Variants in KCNAB2 observed in about 807,000 individuals in gnomAD.
KCNAB2 encodes voltage-gated potassium channel subunit beta-2.
Under a neutral mutation model 63.6 loss-of-function variants are expected in KCNAB2, and 29 were observed. That is an observed-to-expected ratio of 0.46 (90% CI 0.34 to 0.62). The LOEUF (loss-of-function observed/expected upper bound fraction) is 0.62, where lower values mean the gene tolerates loss of function less well. Ranked by LOEUF, KCNAB2 falls within the 20% of genes least tolerant of loss-of-function variation. KCNAB2 has a pLI of 0.01. For synonymous variants in KCNAB2, 222 were observed against 224.2 expected (o/e 0.99, Z 0.09); for missense variants, 359 against 563.9 (o/e 0.64, Z 3.68).
At chr1:6,092,118 T>G (rs1333242958) in intron 10 of KCNAB2, among the ~76,000 whole-genome samples, 1 of 152,240 alleles carries the variant, frequency 6.6e-6, no homozygotes, top group Non-Finnish European at 1.5e-5. Flanking sequence ...GCTGTGAGTT[T>G]TGGCAGCAGC....
intron 1 of KCNAB2, among the ~76,000 whole-genome samples, chr1:6,019,153 G>A (rs1488246536): frequency 6.6e-6 from 1 of 151,854 alleles, no homozygotes. Context: ...TTAGCCGGGG[G>A]TGGTGGCACA....
At chr1:6,047,006 G>A (rs143705372) in intron 1 of KCNAB2, among the ~76,000 whole-genome samples, 1 of 152,272 alleles carries the variant, frequency 6.6e-6, no homozygotes, top group Non-Finnish European at 1.5e-5. Flanking sequence ...CTGATCTACA[G>A]GAATAGATTT....
intron 4 of KCNAB2, among the ~76,000 whole-genome samples, chr1:6,080,470 C>G (rs539332333): frequency 6.6e-6 from 1 of 152,260 alleles, no homozygotes; most frequent in South Asian, 2.1e-4. Flanking sequence ...TGAGCTGCAG[C>G]AGGAAGACAA....
chr1:5,995,633 A>G (rs541826153), intron 1 of KCNAB2, among the ~76,000 whole-genome samples: 1 of 152,238 alleles, frequency 6.6e-6, no homozygotes, highest in African/African-American at 2.4e-5. Flanking sequence ...CTTCAAAGAG[A>G]TGGCCCCATA....
chr1:6,005,551 AC>A (rs1393291652), intron 1 of KCNAB2, among the ~76,000 whole-genome samples: 1 of 150,176 alleles, frequency 6.7e-6, no homozygotes, highest in Non-Finnish European at 1.5e-5. Flanking sequence ...GGTCCCCCCT[AC>A]CCCCCATGAG....
chr1:6,060,715 C>G (rs1004640056), intron 2 of KCNAB2, among the ~76,000 whole-genome samples: 1 of 152,062 alleles, frequency 6.6e-6, no homozygotes, highest in African/African-American at 2.4e-5. Flanking sequence ...CCATCCTAGC[C>G]AACATGCTGA....
Position 6,046,168 on chromosome 1 carries a change from G to GC in KCNAB2, c.-37dup. 1 of 985,330 alleles carries GC rather than the reference G, an allele frequency of 1.0e-6. No individual in the cohort carries two copies. Among genetic ancestry groups the GC allele is most frequent in the Non-Finnish European group, 1.2e-6 (1 of 829,908 alleles). 61.0% of individuals were successfully genotyped at this position (985,330 alleles called of 1,614,324 possible). On this transcript the variant is annotated 5_prime_UTR_variant, in exon 1 of 16. Transcript: ENST00000378083. The stretch of plus-strand genomic sequence containing the variant: ...ACTGTGGCCTTTTTAACGAGCAGAC[G>GC]CCCCCACGAAGGCAGGTGAGTCCTC...
chr1:6,058,016 T>C (rs1006994832), intron 2 of KCNAB2, among the ~76,000 whole-genome samples: 14 of 152,142 alleles, frequency 9.2e-5, no homozygotes, highest in Non-Finnish European at 1.3e-4. Flanking sequence ...CCAGGCATGG[T>C]GGCAAGTGCC....
rs1663374125 is a variant in KCNAB2 at position 6,073,262 on chromosome 1, A to C, written c.262+464A>C. On this transcript the variant is annotated intron_variant, in intron 3 of 15. Coordinates refer to ENST00000378083, the MANE Select transcript of KCNAB2 (RefSeq NM_001199862.2). The surrounding 1 kb of genome is among the most constrained non-coding windows in gnomAD (Gnocchi z 5.7). ...CCTCCCCTCTGCATGCAGTACACACACCCCCACACACACACCGCCCACTGC... is the reference window on the plus strand; with the variant it reads ...CCTCCCCTCTGCATGCAGTACACACCCCCCCACACACACACCGCCCACTGC... Among the ~76,000 whole-genome samples, 1 of 149,890 alleles carries C rather than the reference A, an allele frequency of 6.7e-6. No individual in the cohort carries two copies. Among genetic ancestry groups the C allele is most frequent in the South Asian group, 2.1e-4 (1 of 4,684 alleles).
At chr1:6,088,016 A>G (rs1664847667) in intron 7 of KCNAB2, among the ~76,000 whole-genome samples, 1 of 152,146 alleles carries the variant, frequency 6.6e-6, no homozygotes, top group Admixed American at 6.6e-5. Flanking sequence ...AGGAATTATA[A>G]CTACGATTCA....
intron 1 of KCNAB2, among the ~76,000 whole-genome samples, chr1:6,009,465 C>T (rs922449375): frequency 6.6e-6 from 1 of 152,216 alleles, no homozygotes; most frequent in Admixed American, 6.5e-5. Context: ...ATGCACGTCC[C>T]CTGTCTAGAC....
chr1:6,051,012 C>G (rs143814603), intron 1 of KCNAB2, among the ~76,000 whole-genome samples: 25 of 152,348 alleles, frequency 1.6e-4, no homozygotes, highest in South Asian at 6.2e-4. Flanking sequence ...GGCATAATTA[C>G]AGGAGAGTTT....
At chr1:6,030,796 G>A (rs1325887900), upstream of KCNAB2, among the ~76,000 whole-genome samples, 5 of 140,428 alleles carry the variant, frequency 3.6e-5, no homozygotes, top group African/African-American at 1.5e-4. Context: ...ATGTGTGTAG[G>A]TGTGTAGGTG....
In KCNAB2 at chr1:5,994,376, G is replaced by A. The variant is rs936366853; in HGVS notation, c.-53+1588G>A. ...GTGCAGCTCCTGGCCCTGTGCTCTC[G>A]CAGTGTGGGGCCCTAAGAGTGCACT... On this transcript the variant is annotated intron_variant, in intron 1 of 16. Coordinates refer to the KCNAB2 transcript ENST00000341524. This position sits in a 1 kb window ranked among gnomAD's most constrained non-coding sequence, Gnocchi z 5.4. Among the ~76,000 whole-genome samples, 2 of 152,216 alleles carry A rather than the reference G, an allele frequency of 1.3e-5. No homozygotes were observed. Among genetic ancestry groups the A allele is most frequent in the East Asian group, 1.9e-4 (1 of 5,198 alleles).
At chr1:6,088,649 C>G (rs1349949515) in intron 7 of KCNAB2, among the ~76,000 whole-genome samples, 3 of 151,970 alleles carry the variant, frequency 2.0e-5, no homozygotes, top group Non-Finnish European at 2.9e-5. Context: ...TCCCAAAGTG[C>G]TGGGATTACA....
At chr1:6,047,281 G>A (rs567164568) in intron 1 of KCNAB2, among the ~76,000 whole-genome samples, 4 of 152,254 alleles carry the variant, frequency 2.6e-5, no homozygotes, top group Admixed American at 6.5e-5. Flanking sequence ...GTGTCTTACC[G>A]GGGGGCCCTT....
chr1:6,019,362 G>A (rs1412971446), intron 1 of KCNAB2, among the ~76,000 whole-genome samples: 2 of 152,180 alleles, frequency 1.3e-5, no homozygotes, highest in African/African-American at 4.8e-5. Context: ...ACAAACACAG[G>A]TGACAGGCTG....
At chr1:6,084,741 AG>A (rs1664537776) in intron 5 of KCNAB2, among the ~76,000 whole-genome samples, 1 of 151,266 alleles carries the variant, frequency 6.6e-6, no homozygotes, top group Admixed American at 6.6e-5. Flanking sequence ...GCTTGAACCC[AG>A]GAGGCAGAGG....
rs532452123 is a variant in KCNAB2, at chr1:5,994,472, G to A, written c.-53+1684G>A. On this transcript the variant is annotated intron_variant, in intron 1 of 16. Transcript: ENST00000341524. The surrounding 1 kb of genome is among the most constrained non-coding windows in gnomAD (Gnocchi z 5.4). Reference sequence around the variant, plus strand: ...CAGTGGCACTGACAGTGTTCGGGCCGCAGCACATCCCTCGAGAGCAGCATG... The same window carrying A: ...CAGTGGCACTGACAGTGTTCGGGCCACAGCACATCCCTCGAGAGCAGCATG... 2.0e-4 allele frequency among the ~76,000 whole-genome samples: 31 copies of A among 152,300 alleles called. No homozygotes were observed. The highest frequency in any genetic ancestry group is 6.7e-4 in the African/African-American group (28 of 41,560).
Sources: allele counts gnomAD v4.1 joint callset (sites outside exome capture counted in the v4.1 genomes callset), GRCh38; gene constraint gnomAD v4.1.1; non-coding constraint Gnocchi (gnomAD v3.1); transcripts MANE v1.5; gene names NCBI Gene and HGNC (gene_info 2026-07-23, HGNC 2026-07-21).